The following TMEM74 variants were observed in gnomAD, a reference collection of about 807,000 sequenced individuals.
The protein encoded by TMEM74 is transmembrane protein 74.
Under a neutral mutation model 18.1 loss-of-function variants are expected in TMEM74, and 13 were observed. The ratio of observed to expected loss-of-function variants is 0.72; its 90% CI spans 0.47 to 1.14. The LOEUF (loss-of-function observed/expected upper bound fraction) is 1.14. Ranked by LOEUF, TMEM74 falls within the 50% of genes most tolerant of loss-of-function variation. The pLI is 0.00. For missense variants in TMEM74, 372 were observed against 375.9 expected (o/e 0.99, Z 0.09); for synonymous variants, 159 against 146.6 (o/e 1.08, Z -0.61).
At chr8:108,674,303 A>G (rs777601456) in intron 1 of TMEM74, among the ~76,000 whole-genome samples, 2 of 152,302 alleles carry the variant, frequency 1.3e-5, no homozygotes, top group South Asian at 2.1e-4. Flanking sequence ...TTGTATGTGT[A>G]TATGTGTGCA....
At chr8:108,723,684 G>T (rs189974177) in intron 1 of TMEM74, among the ~76,000 whole-genome samples, 1 of 151,886 alleles carries the variant, frequency 6.6e-6, no homozygotes, top group Non-Finnish European at 1.5e-5. Flanking sequence ...TATTTTCAGC[G>T]TATTGAAAAA....
chr8:108,739,928 C>T (rs1260793372), intron 1 of TMEM74, among the ~76,000 whole-genome samples: 3 of 152,042 alleles, frequency 2.0e-5, no homozygotes, highest in Non-Finnish European at 2.9e-5. Flanking sequence ...CCATCGCAAT[C>T]GTGGAGGCTG....
At chr8:108,691,219 G>A (rs1182629910) in intron 1 of TMEM74, among the ~76,000 whole-genome samples, 1 of 152,202 alleles carries the variant, frequency 6.6e-6, no homozygotes, top group Non-Finnish European at 1.5e-5. Flanking sequence ...GAGAAAGGAT[G>A]TGATCTCTTT....
In TMEM74 at chr8:108,781,532, T is replaced by C. The variant is rs191641242; in HGVS notation, c.*2649A>G. Among the ~76,000 whole-genome samples, 58 of 152,316 alleles carry C rather than the reference T, an allele frequency of 3.8e-4. No individual in the cohort carries two copies. Among genetic ancestry groups the C allele is most frequent in the Non-Finnish European group, 5.9e-4 (40 of 68,032 alleles). On this transcript the variant is annotated 3_prime_UTR_variant, in exon 2 of 2. Transcript: ENST00000297459. ...GGAAAAGTCGATTAAGGCAAGTATCTGAATAATGTCACCACAGCCCAAAAG... is the reference window on the plus strand; with the variant it reads ...GGAAAAGTCGATTAAGGCAAGTATCCGAATAATGTCACCACAGCCCAAAAG...
rs549836874 is a variant in TMEM74, at chr8:108,675,488, C to T, written n.120-20051G>A. Among the ~76,000 whole-genome samples, 61 of 152,194 alleles carry T rather than the reference C, an allele frequency of 4.0e-4. No individual in the cohort carries two copies. In the South Asian group the frequency reaches 0.012, roughly 30 times the overall value. On this transcript the variant is annotated intron_variant and non_coding_transcript_variant, in intron 1 of 3. Transcript: ENST00000518838. ...CCTCTTAACTGCCATCTATGTCCAT[C>T]GAATAAACAATTTAAAATCGCATTA...
At chr8:108,661,378 CTTTTTTTTTT>C (rs760545466) in intron 1 of TMEM74, among the ~76,000 whole-genome samples, 20 of 86,728 alleles carry the variant, frequency 2.3e-4, no homozygotes, top group African/African-American at 6.5e-4. Flanking sequence ...CCTTGCAGCT[CTTTTTTTTTT>C]TTTTTTTTTT....
chr8:108,617,347 A>G (rs2130539336), intron 2 of TMEM74, among the ~76,000 whole-genome samples: 1 of 151,988 alleles, frequency 6.6e-6, no homozygotes, highest in Middle Eastern at 3.4e-3. Flanking sequence ...GTTTTGATGA[A>G]CTCAGTGTTA....
intron 1 of TMEM74, among the ~76,000 whole-genome samples, chr8:108,709,072 G>C (rs1365736050): frequency 3.9e-5 from 6 of 152,132 alleles, no homozygotes; most frequent in Non-Finnish European, 8.8e-5. Flanking sequence ...CTTGTACACT[G>C]TTCGTGAGAA....
intron 1 of TMEM74, among the ~76,000 whole-genome samples, chr8:108,657,856 AAAAATATATATATATAT>A (rs1322089613): frequency 7.2e-4 from 50 of 69,790 alleles, no homozygotes; most frequent in East Asian, 4.3e-3. Context: ...AAAAAAAAAA[AAAAATATATATATATAT>A]ATATATATAT....
Position 108,784,161 on chromosome 8 carries a change from C to G in TMEM74, c.*20G>C. ...ATTATAAAATGCCAAGGCAGACTCT[C>G]AAGATATTCACAACCAGAATTAACT... is the stretch of plus-strand genomic sequence containing the variant. On this transcript the variant is annotated 3_prime_UTR_variant, in exon 2 of 2. Transcript: ENST00000297459. 6.5e-7 allele frequency: 1 copy of G among 1,535,788 alleles called. No homozygotes were observed. Among genetic ancestry groups the G allele is most frequent in the Non-Finnish European group, 8.8e-7 (1 of 1,136,084 alleles).
intron 2 of TMEM74, among the ~76,000 whole-genome samples, chr8:108,636,872 C>T (rs961301675): frequency 2.0e-5 from 3 of 150,320 alleles, no homozygotes; most frequent in African/African-American, 7.6e-5. Flanking sequence ...GGGTTCACCC[C>T]TCCTCAAAGA....
intron 1 of TMEM74, among the ~76,000 whole-genome samples, chr8:108,687,432 C>A (rs1813182184): frequency 6.6e-6 from 1 of 152,038 alleles, no homozygotes; most frequent in Non-Finnish European, 1.5e-5. Flanking sequence ...TTTTTGACAG[C>A]AGATACCAGT....
intron 1 of TMEM74, among the ~76,000 whole-genome samples, chr8:108,670,834 A>G (rs928855262): frequency 1.3e-5 from 2 of 152,186 alleles, no homozygotes; most frequent in African/African-American, 2.4e-5. Flanking sequence ...AAAAAAGAAA[A>G]TAATCAGAAA....
At chr8:108,669,854 A>T (rs1812985403) in intron 1 of TMEM74, among the ~76,000 whole-genome samples, 1 of 152,024 alleles carries the variant, frequency 6.6e-6, no homozygotes, top group Non-Finnish European at 1.5e-5. Flanking sequence ...CCTGGTCAAG[A>T]TGGTGAAACC....
intron 1 of TMEM74, among the ~76,000 whole-genome samples, chr8:108,708,636 T>G (rs1307694585): frequency 1.3e-5 from 2 of 152,124 alleles, no homozygotes; most frequent in African/African-American, 4.8e-5. Context: ...CATTTTTTCA[T>G]ATGCTTCTTG....
chr8:108,664,671 C>T (rs1030797387), intron 1 of TMEM74, among the ~76,000 whole-genome samples: 2 of 151,982 alleles, frequency 1.3e-5, no homozygotes, highest in African/African-American at 4.8e-5. Flanking sequence ...TTCTTCCTTG[C>T]TTTTCTAATT....
intron 1 of TMEM74, among the ~76,000 whole-genome samples, chr8:108,660,667 T>A (rs1812891488): frequency 6.6e-6 from 1 of 152,206 alleles, no homozygotes; most frequent in African/African-American, 2.4e-5. Context: ...ACAGAGAGCT[T>A]GTCTATAAAA....
At chr8:108,669,579 T>C (rs534535688) in intron 1 of TMEM74, among the ~76,000 whole-genome samples, 2 of 152,304 alleles carry the variant, frequency 1.3e-5, no homozygotes, top group South Asian at 4.1e-4. Flanking sequence ...AACAATAAGA[T>C]ATTAGCTTTG....
At chr8:108,745,307 A>G (rs974069572) in intron 1 of TMEM74, among the ~76,000 whole-genome samples, 1 of 152,182 alleles carries the variant, frequency 6.6e-6, no homozygotes, top group Non-Finnish European at 1.5e-5. Flanking sequence ...TGTTGTAACT[A>G]CTTAACTCTG....
Sources: allele counts gnomAD v4.1 joint callset (sites outside exome capture counted in the v4.1 genomes callset), GRCh38; gene constraint gnomAD v4.1.1; transcripts MANE v1.5; gene names NCBI Gene and HGNC (gene_info 2026-07-23, HGNC 2026-07-21).